RCAN2: variants seen among roughly 807,000 people sequenced by gnomAD.
RCAN2 encodes the protein regulator of calcineurin 2.
RCAN2 carries 9 observed loss-of-function variants against 23.6 expected under a neutral mutation model. The ratio of observed to expected loss-of-function variants is 0.38; its 90% CI spans 0.23 to 0.67. The LOEUF (loss-of-function observed/expected upper bound fraction) is 0.67. Ranked by LOEUF, RCAN2 falls within the 30% of genes least tolerant of loss-of-function variation. The pLI is 0.51. For synonymous variants in RCAN2, 109 were observed against 115.7 expected (o/e 0.94, Z 0.37); for missense variants, 273 against 302.3 (o/e 0.90, Z 0.72).
chr6:46,414,464 G>A (rs1007214216), intron 2 of RCAN2, among the ~76,000 whole-genome samples: 2 of 152,194 alleles, frequency 1.3e-5, no homozygotes, highest in African/African-American at 4.8e-5. Flanking sequence ...AAGCTTATGT[G>A]TCGAACTTGG....
chr6:46,456,686 C>T, intron 2 of RCAN2, 66 bp downstream of exon 2: 1 of 1,215,830 alleles, frequency 8.2e-7, no homozygotes, highest in Non-Finnish European at 1.2e-6. Flanking sequence ...CACAAATGAA[C>T]AACAGGATTA....
chr6:46,291,750 C>T (rs1041526421), intron 2 of RCAN2, among the ~76,000 whole-genome samples: 1 of 151,884 alleles, frequency 6.6e-6, no homozygotes, highest in African/African-American at 2.4e-5. Context: ...CTTCTCTCAT[C>T]AATGTTTTCT....
At chr6:46,427,690 C>T (rs1582193322) in intron 2 of RCAN2, among the ~76,000 whole-genome samples, 1 of 152,154 alleles carries the variant, frequency 6.6e-6, no homozygotes, top group Non-Finnish European at 1.5e-5. Flanking sequence ...CACATGACCT[C>T]GCATGCAATA....
chr6:46,436,171 T>C (rs1346963645), intron 2 of RCAN2, among the ~76,000 whole-genome samples: 1 of 152,196 alleles, frequency 6.6e-6, no homozygotes, highest in Non-Finnish European at 1.5e-5. Context: ...TGCTCTTTGG[T>C]GCGTTATGCA....
At chr6:46,423,773 T>A (rs1332014495) in intron 2 of RCAN2, among the ~76,000 whole-genome samples, 1 of 152,190 alleles carries the variant, frequency 6.6e-6, no homozygotes, top group Non-Finnish European at 1.5e-5. Context: ...GAACTTCCTT[T>A]TCCAATCACT....
In RCAN2 at chr6:46,398,268, C is replaced by T. The variant is rs559761774; in HGVS notation, c.225+58484G>A. Among the ~76,000 whole-genome samples, 3 of 152,148 alleles carry T rather than the reference C, an allele frequency of 2.0e-5. No individual in the cohort carries two copies. In the South Asian group the frequency reaches 6.2e-4, roughly 32 times the overall value. Reference sequence around the variant, plus strand: ...TTTCTTCTTTTGACATCTAAATTTTCTAAAATGTCTACAGTGAATATGTAT... The same window carrying T: ...TTTCTTCTTTTGACATCTAAATTTTTTAAAATGTCTACAGTGAATATGTAT... On this transcript the variant is annotated intron_variant, in intron 2 of 4. Transcript: ENST00000371374.
chr6:46,454,682 T>A (rs1767969997), intron 2 of RCAN2, among the ~76,000 whole-genome samples: 1 of 152,226 alleles, frequency 6.6e-6, no homozygotes, highest in Non-Finnish European at 1.5e-5. Flanking sequence ...TTAACTATAT[T>A]CTTGTTTATT....
intron 2 of RCAN2, among the ~76,000 whole-genome samples, chr6:46,422,884 A>G (rs987165140): frequency 3.2e-4 from 48 of 152,210 alleles, no homozygotes; most frequent in African/African-American, 1.2e-3. Context: ...ACTGATGAGG[A>G]GGTGAAGAGA....
intron 2 of RCAN2, among the ~76,000 whole-genome samples, chr6:46,402,433 A>G (rs867230046): frequency 1.3e-5 from 2 of 152,162 alleles, no homozygotes; most frequent in Middle Eastern, 3.4e-3. Flanking sequence ...AGAAACTAGA[A>G]TCCCTCTTCC....
chr6:46,317,395 A>G (rs555280157), intron 2 of RCAN2, among the ~76,000 whole-genome samples: 5 of 152,330 alleles, frequency 3.3e-5, no homozygotes, highest in African/African-American at 1.2e-4. Context: ...ATGAAATATT[A>G]CATATGAGTT....
At chr6:46,482,878 A>G (rs1768900486) in intron 1 of RCAN2, among the ~76,000 whole-genome samples, 1 of 152,210 alleles carries the variant, frequency 6.6e-6, no homozygotes, top group African/African-American at 2.4e-5. Flanking sequence ...ATCTTTGTAT[A>G]AGCATAAGAT....
At chr6:46,230,470 C>A (rs1480995194) in intron 4 of RCAN2, among the ~76,000 whole-genome samples, 2 of 152,216 alleles carry the variant, frequency 1.3e-5, no homozygotes, top group Admixed American at 1.3e-4. Flanking sequence ...CAAGCCTCAG[C>A]AATGGTGGAT....
chr6:46,383,427 C>T (rs1029404890), intron 2 of RCAN2, among the ~76,000 whole-genome samples: 1 of 151,940 alleles, frequency 6.6e-6, no homozygotes, highest in Non-Finnish European at 1.5e-5. Flanking sequence ...ACAAATAGTT[C>T]TTGTGATACC....
intron 2 of RCAN2, among the ~76,000 whole-genome samples, chr6:46,321,327 G>A (rs1006673141): frequency 6.6e-6 from 1 of 152,162 alleles, no homozygotes; most frequent in African/African-American, 2.4e-5. Flanking sequence ...TAGAATATAT[G>A]CTCCGTGAGG....
chr6:46,387,238 C>G (rs1271797059), intron 2 of RCAN2, among the ~76,000 whole-genome samples: 3 of 152,092 alleles, frequency 2.0e-5, no homozygotes, highest in Non-Finnish European at 4.4e-5. Flanking sequence ...CAACAAAAGC[C>G]AAAATTGACA....
At chr6:46,284,678 G>A (rs1309470513) in intron 2 of RCAN2, among the ~76,000 whole-genome samples, 1 of 152,174 alleles carries the variant, frequency 6.6e-6, no homozygotes, top group African/African-American at 2.4e-5. Context: ...GCTGGTGCCC[G>A]AGTGAGTCAC....
At chr6:46,239,927 A>G (rs1163235453) in intron 4 of RCAN2, among the ~76,000 whole-genome samples, 1 of 152,200 alleles carries the variant, frequency 6.6e-6, no homozygotes, top group Non-Finnish European at 1.5e-5. Flanking sequence ...ATGGTTGAGA[A>G]AAAGAAGCAG....
chr6:46,488,481 C>A (rs1054733769), intron 1 of RCAN2, among the ~76,000 whole-genome samples: 1 of 152,208 alleles, frequency 6.6e-6, no homozygotes, highest in South Asian at 2.1e-4. Flanking sequence ...CATACTACCA[C>A]TTTTGGGGAT....
At chr6:46,400,835 T>C (rs893124455) in intron 2 of RCAN2, among the ~76,000 whole-genome samples, 2 of 152,206 alleles carry the variant, frequency 1.3e-5, no homozygotes. Flanking sequence ...TGGGTCTCTA[T>C]CTTGGTTGCT....
Sources: gnomAD v4.1 joint callset for allele counts (sites outside exome capture counted in the v4.1 genomes callset) on GRCh38, gnomAD v4.1.1 for gene constraint, MANE v1.5 for transcripts, NCBI Gene and HGNC (gene_info 2026-07-23, HGNC 2026-07-21) for gene names.